The following PPL variants were observed in gnomAD, a reference collection of about 807,000 sequenced individuals.
The protein encoded by PPL is periplakin, also known as 190 kDa paraneoplastic pemphigus antigen.
A neutral mutation model predicts 194.4 loss-of-function variants in PPL; 198 were observed. The observed-to-expected ratio is 1.02, with a 90% CI of 0.91 to 1.15. PPL has a LOEUF of 1.15. Ranked by LOEUF, PPL falls within the 50% of genes most tolerant of loss-of-function variation. The pLI is 0.00. For synonymous variants in PPL, 1,220 were observed against 972.4 expected (o/e 1.25, Z -4.74); for missense variants, 2,885 against 2,294.8 (o/e 1.26, Z -5.25).
In PPL at chr16:4,893,522, G is replaced by A. The variant is rs756469689; in HGVS notation, c.1492+19C>T. 6.8e-5 allele frequency: 109 copies of A among 1,610,112 alleles called. No individual in the cohort carries two copies. The highest frequency in any genetic ancestry group is 9.1e-5 in the Non-Finnish European group (107 of 1,178,400). On this transcript the variant is annotated intron_variant, in intron 13 of 21. Coordinates refer to ENST00000345988, the MANE Select transcript of PPL (RefSeq NM_002705.5). ...CCCCGGTACCCCCAGAGCCTCAGGC[G>A]AGTGGCCCTGGCACCCACCTCCGGG...
At chr16:4,911,730 G>A (rs1717361507) in intron 1 of PPL, among the ~76,000 whole-genome samples, 1 of 151,710 alleles carries the variant, frequency 6.6e-6, no homozygotes, top group Admixed American at 6.6e-5. Context: ...TAGAGAAGGG[G>A]TTTCACCATG....
intron 3 of PPL, 31 bp downstream of exon 3, chr16:4,903,855 T>C (rs750064001): frequency 6.2e-7 from 1 of 1,610,414 alleles, no homozygotes; most frequent in Admixed American, 1.7e-5. Context: ...CCCCAATGGC[T>C]CCCCTGGGGT....
intron 1 of PPL, 96 bp downstream of exon 1, chr16:4,936,888 T>C: frequency 7.9e-7 from 1 of 1,261,400 alleles, no homozygotes; most frequent in Non-Finnish European, 1.1e-6. Flanking sequence ...TGGACCCCCG[T>C]ACCCCCCATT....
chr16:4,895,229 G>A, intron 11 of PPL, 32 bp downstream of exon 11: 1 of 1,565,784 alleles, frequency 6.4e-7, no homozygotes. Context: ...AAACTTTGTA[G>A]TGATGTGAAC....
At chr16:4,911,119 A>G (rs2088811829) in intron 1 of PPL, among the ~76,000 whole-genome samples, 170 bp from the exon 2 acceptor site, 1 of 150,022 alleles carries the variant, frequency 6.7e-6, no homozygotes. Context: ...CACTAAAGCC[A>G]CAGAGACAAG....
Position 4,906,087 on chromosome 16 carries a change from G to A in PPL, c.163-2047C>T, listed in dbSNP as rs151320858. 2.4e-4 allele frequency among the ~76,000 whole-genome samples: 36 copies of A among 152,212 alleles called. No individual in the cohort carries two copies. The East Asian group carries it at 5.0e-3, about 21-fold the overall frequency. ...TGCACCACTGCACTCCAGCCTTGGC[G>A]ACAGAGCGAGACCCTACCTCAAACC... On this transcript the variant is annotated intron_variant, in intron 2 of 21. Transcript: ENST00000345988.
rs1567978467 is a variant in PPL, at chr16:4,883,515, T to C, written c.5140A>G (p.Lys1714Glu). The part of the protein sequence containing the change: ...NGESSVIHDR[K>E]SGKKFSIEEA... ...TCGATGGAGAACTTCTTGCCAGACT[T>C]CCTGTCGTGTATCACTGAGGACTCC... Residue 1714 changes from lysine (K) to glutamate (E), a missense_variant, in exon 22 of 22, where the codon AAG (lysine) becomes GAG (glutamate). By Grantham distance (56) the Lys-to-Glu change is moderately conservative. Coordinates refer to ENST00000345988, the MANE Select transcript of PPL (RefSeq NM_002705.5). This position sits in a 1 kb window ranked among gnomAD's most constrained non-coding sequence, Gnocchi z 4.8. 2 of 1,614,164 alleles carry C rather than the reference T, an allele frequency of 1.2e-6. No homozygotes were observed. Among genetic ancestry groups the C allele is most frequent in the Non-Finnish European group, 1.7e-6 (2 of 1,180,032 alleles).
intron 1 of PPL, among the ~76,000 whole-genome samples, chr16:4,925,807 C>G (rs967022101): frequency 6.6e-6 from 1 of 152,146 alleles, no homozygotes; most frequent in Non-Finnish European, 1.5e-5. Context: ...AAGGGGACAT[C>G]AGTATCAATC....
At chr16:4,932,437 T>G (rs2089236713) in intron 1 of PPL, among the ~76,000 whole-genome samples, 1 of 148,768 alleles carries the variant, frequency 6.7e-6, no homozygotes, top group African/African-American at 2.5e-5. Context: ...TGAGACGGAG[T>G]CTCGCTCTGT....
intron 18 of PPL, among the ~76,000 whole-genome samples, 176 bp from the exon 19 acceptor site, chr16:4,889,237 TG>T (rs1373625992): frequency 1.5e-4 from 12 of 82,536 alleles, no homozygotes; most frequent in African/African-American, 3.2e-4. Context: ...TTTTTGTTGT[TG>T]TTGTTTTTTT....
Position 4,885,298 on chromosome 16 carries a change from C to T in PPL, c.3357G>A (p.Lys1119=), listed in dbSNP as rs766236343. ...TCTCGGTGGCCGCGTCCTTCTCCAC[C>T]TTGAGCACCTCCTTGACGGTGATCT... The part of the protein sequence containing the change: ...EGKITVKEVL[K]VEKDAATERE... The change falls in exon 22 of 22, where the codon AAG becomes AAA. Residue 1119 remains lysine, a synonymous_variant. Transcript: ENST00000345988. The surrounding 1 kb of genome is among the most constrained non-coding windows in gnomAD (Gnocchi z 6.3). 1.1e-5 allele frequency: 17 copies of T among 1,600,944 alleles called. No individual in the cohort carries two copies. In the East Asian group the frequency reaches 3.4e-4, roughly 32 times the overall value.
chr16:4,891,754 G>C, intron 16 of PPL, 57 bp downstream of exon 16: 1 of 1,540,858 alleles, frequency 6.5e-7, no homozygotes, highest in Non-Finnish European at 8.7e-7. Flanking sequence ...GGGTGGATGT[G>C]CCAGATGCTC....
chr16:4,886,373 G>A (rs1395287945), intron 21 of PPL, among the ~76,000 whole-genome samples: 1 of 152,212 alleles, frequency 6.6e-6, no homozygotes, highest in African/African-American at 2.4e-5. Context: ...TCTGTAGTAT[G>A]TACCATGTGT....
chr16:4,929,013 T>A (rs3072601), intron 1 of PPL, among the ~76,000 whole-genome samples: 6,311 of 17,040 alleles, frequency 0.37, 2,158 homozygotes, highest in Middle Eastern at 0.58. Flanking sequence ...AACTCTACCT[T>A]AAAAAAAAAA....
intron 1 of PPL, among the ~76,000 whole-genome samples, chr16:4,931,917 C>T (rs1286591329): frequency 1.3e-5 from 2 of 152,192 alleles, no homozygotes; most frequent in African/African-American, 4.8e-5. Flanking sequence ...CTCATTCCTT[C>T]TTCCAAGAGA....
intron 1 of PPL, among the ~76,000 whole-genome samples, chr16:4,917,850 C>T (rs547771271): frequency 2.0e-5 from 3 of 151,826 alleles, no homozygotes; most frequent in Non-Finnish European, 2.9e-5. Context: ...TGCAGTGAGC[C>T]GAGATTTCGC....
In PPL at chr16:4,885,580, G is replaced by A. The variant is rs201863315; in HGVS notation, c.3075C>T (p.Gly1025=). The change falls in exon 22 of 22, where the codon GGC becomes GGT. Residue 1025 remains glycine (G), a synonymous_variant. Transcript: ENST00000345988. The surrounding 1 kb of genome is among the most constrained non-coding windows in gnomAD (Gnocchi z 6.3). ...GGAGGAGCACCTCTGCCTCCCGGGCGCCCTTCTGCCGCCTCAGTGCCTCCA... is the reference window on the plus strand; with the variant it reads ...GGAGGAGCACCTCTGCCTCCCGGGCACCCTTCTGCCGCCTCAGTGCCTCCA... The part of the protein sequence containing the change: ...EELEALRRQK[G]AREAEVLLLQ... The A allele has an allele frequency of 5.6e-6, 9 of 1,611,492 alleles. No homozygotes were observed. Among genetic ancestry groups the A allele is most frequent in the Admixed American group, 5.0e-5 (3 of 59,982 alleles).
At chr16:4,909,495 T>G (rs2088775979) in intron 2 of PPL, among the ~76,000 whole-genome samples, 1 of 149,596 alleles carries the variant, frequency 6.7e-6, no homozygotes, top group Non-Finnish European at 1.5e-5. Context: ...GGCACGATCT[T>G]GGCTCACTGC....
chr16:4,888,031 C>A, intron 20 of PPL, 71 bp downstream of exon 20: 1 of 1,117,460 alleles, frequency 8.9e-7, no homozygotes, highest in South Asian at 1.3e-5. Context: ...CGTGTGACAC[C>A]ATGCTCCCTG....
Sources: gnomAD v4.1 joint callset for allele counts (sites outside exome capture counted in the v4.1 genomes callset) on GRCh38, gnomAD v4.1.1 for gene constraint, Gnocchi (gnomAD v3.1) non-coding constraint, MANE v1.5 for transcripts, NCBI Gene and HGNC (gene_info 2026-07-23, HGNC 2026-07-21) for gene names.